The following BNC2 variants were observed in gnomAD, a reference collection of about 807,000 sequenced individuals.
BNC2 encodes zinc finger protein basonuclin-2.
Under a neutral mutation model 76.3 loss-of-function variants are expected in BNC2, and 20 were observed. The observed-to-expected ratio is 0.26, with a 90% CI of 0.18 to 0.38. The LOEUF (loss-of-function observed/expected upper bound fraction) is 0.38, where lower values mean the gene tolerates loss of function less well. BNC2 is among the 10% of genes least tolerant of loss of function. The probability of loss-of-function intolerance (pLI) is 1.00; values close to 1 mark genes in which losing one functional copy is unlikely to be tolerated. For missense variants in BNC2, 1,382 were observed against 1,399.8 expected, an observed-to-expected ratio of 0.99 and a Z score of 0.20; for synonymous variants, 582 against 514.8, an observed-to-expected ratio of 1.13 and a Z score of -1.77.
intron 3 of BNC2, among the ~76,000 whole-genome samples, chr9:16,587,798 G>C (rs1819814928): frequency 6.6e-6 from 1 of 152,130 alleles, no homozygotes; most frequent in Non-Finnish European, 1.5e-5. Context: ...TCCTGCTTAA[G>C]TTGTTAACGG....
rs1282887617 is a variant in BNC2 at position 16,773,558 on chromosome 9, T to A, written c.4-35073A>T. ...AGGGACAGTGCAATAATAATAATTT[T>A]AAAATGGTCCAAAAGACTTCCTAAA... is the stretch of plus-strand genomic sequence containing the variant. On this transcript the variant is annotated intron_variant, in intron 1 of 6. Transcript: ENST00000380672. 2.0e-5 allele frequency among the ~76,000 whole-genome samples: 3 copies of A among 151,288 alleles called. No homozygotes were observed. The East Asian group carries it at 5.8e-4, about 29-fold the overall frequency.
intron 4 of BNC2, among the ~76,000 whole-genome samples, chr9:16,566,595 T>C (rs748671749): frequency 1.3e-5 from 2 of 152,178 alleles, no homozygotes; most frequent in South Asian, 2.1e-4. Flanking sequence ...AAGTCTAATA[T>C]GGTTAAGAAA....
chr9:16,503,395 C>G lies in BNC2; in HGVS notation c.669+49135G>C, dbSNP rs74606932. ...TCCTGTGCCTACTCTAATTCATGCCCTCACAATCCATCTAACTTTTTTTTT... is the reference window on the plus strand; with the variant it reads ...TCCTGTGCCTACTCTAATTCATGCCGTCACAATCCATCTAACTTTTTTTTT... On this transcript the variant is annotated intron_variant, in intron 5 of 6. Transcript: ENST00000380672. Among the ~76,000 whole-genome samples, 1,271 of 152,128 alleles carry G rather than the reference C, an allele frequency of 8.4e-3. 53 individuals carry two copies. The South Asian group carries it at 0.13, about 15-fold the overall frequency.
chr9:16,620,234 C>T (rs1820826160), intron 3 of BNC2, among the ~76,000 whole-genome samples: 1 of 152,146 alleles, frequency 6.6e-6, no homozygotes, highest in Non-Finnish European at 1.5e-5. Flanking sequence ...AATAGTGCTG[C>T]TTCTGCTTTG....
intron 6 of BNC2, chr9:16,421,153 T>G: frequency 1.8e-6 from 1 of 548,654 alleles, no homozygotes. Flanking sequence ...ACAAGAAAGG[T>G]GGGGAAGACT....
intron 3 of BNC2, among the ~76,000 whole-genome samples, chr9:16,725,114 C>G (rs1332121337): frequency 6.6e-6 from 1 of 151,888 alleles, no homozygotes; most frequent in East Asian, 1.9e-4. Context: ...AAACTTTTAC[C>G]TGTAACAAAA....
At chr9:16,679,941 A>G (rs1178450965) in intron 3 of BNC2, among the ~76,000 whole-genome samples, 1 of 152,192 alleles carries the variant, frequency 6.6e-6, no homozygotes, top group Non-Finnish European at 1.5e-5. Context: ...CAGAACAATA[A>G]TCATACAAAC....
chr9:16,515,748 G>GA (rs146467730), intron 5 of BNC2, among the ~76,000 whole-genome samples: 12 of 141,204 alleles, frequency 8.5e-5, no homozygotes, highest in East Asian at 8.3e-4. Context: ...AAAAACCTCT[G>GA]AAAAAAAAAA....
intron 5 of BNC2, among the ~76,000 whole-genome samples, chr9:16,474,305 A>T (rs896774993): frequency 6.6e-6 from 1 of 152,242 alleles, no homozygotes; most frequent in Admixed American, 6.5e-5. Context: ...TTATTTCATG[A>T]AACAGCAGAA....
At chr9:16,751,822 G>T (rs1825221506) in intron 1 of BNC2, among the ~76,000 whole-genome samples, 1 of 151,964 alleles carries the variant, frequency 6.6e-6, no homozygotes, top group East Asian at 1.9e-4. Context: ...TTGAGGTCAG[G>T]AGTTCAAGAC....
In BNC2 at chr9:16,413,151, C is replaced by G. The variant is rs1820510180; in HGVS notation, c.*5838G>C. 6.6e-6 allele frequency: 1 copy of G among 152,356 alleles called. No homozygotes were observed. The highest frequency in any genetic ancestry group is 1.5e-5 in the Non-Finnish European group (1 of 68,018). The allele number at this position is 152,356 out of a possible 1,614,324, so 9.4% of individuals were successfully genotyped here. On this transcript the variant is annotated 3_prime_UTR_variant, in exon 7 of 7. Transcript: ENST00000380672. ...TTTTGTAATGGTCCACTATTTGTTA[C>G]AGACTGAGCCTTGGTCTTCATATCC...
At chr9:16,542,719 T>A (rs912364466) in intron 5 of BNC2, among the ~76,000 whole-genome samples, 1 of 152,220 alleles carries the variant, frequency 6.6e-6, no homozygotes, top group African/African-American at 2.4e-5. Context: ...TAGCAAAGTA[T>A]TGGCCCACAT....
chr9:16,583,233 A>C (rs1819676887), intron 3 of BNC2, 148 bp from the exon 4 acceptor site: 1 of 681,176 alleles, frequency 1.5e-6, no homozygotes, highest in Non-Finnish European at 2.5e-6. Context: ...TTTAGATATC[A>C]CCAAAATCTC....
At chr9:16,832,712 C>A (rs1818604308) in intron 1 of BNC2, among the ~76,000 whole-genome samples, 1 of 151,894 alleles carries the variant, frequency 6.6e-6, no homozygotes, top group Non-Finnish European at 1.5e-5. Context: ...AGAAAAGTCC[C>A]TGAATCCAAA....
intron 3 of BNC2, among the ~76,000 whole-genome samples, chr9:16,637,897 G>T (rs943353125): frequency 3.3e-5 from 5 of 152,236 alleles, no homozygotes; most frequent in African/African-American, 1.2e-4. Context: ...TATACATACA[G>T]TGAAATAAAC....
At chr9:16,485,880 C>T (rs1010983908) in intron 5 of BNC2, among the ~76,000 whole-genome samples, 3 of 152,126 alleles carry the variant, frequency 2.0e-5, no homozygotes, top group African/African-American at 7.2e-5. Context: ...CCATTTGTAC[C>T]CCCAAGGGTA....
intron 3 of BNC2, among the ~76,000 whole-genome samples, chr9:16,689,359 A>G (rs547422072): frequency 1.2e-4 from 19 of 152,250 alleles, no homozygotes; most frequent in Middle Eastern, 3.4e-3. Flanking sequence ...GAGTCATGTT[A>G]CGATGAAAAG....
intron 3 of BNC2, among the ~76,000 whole-genome samples, chr9:16,665,402 GAA>G (rs58411622): frequency 0.055 from 6,357 of 115,570 alleles, 553 homozygotes; most frequent in East Asian, 0.29. Flanking sequence ...GAGAGAGAGA[GAA>G]AGAGAGAAAA....
intron 1 of BNC2, among the ~76,000 whole-genome samples, chr9:16,807,940 AGCATG>A (rs1817952256): frequency 6.6e-6 from 1 of 152,218 alleles, no homozygotes; most frequent in South Asian, 2.1e-4. Context: ...GGCAAATCCT[AGCATG>A]GCTACCTATG....
Sources: gnomAD v4.1 joint callset for allele counts (sites outside exome capture counted in the v4.1 genomes callset) on GRCh38, gnomAD v4.1.1 for gene constraint, MANE v1.5 for transcripts, NCBI Gene and HGNC (gene_info 2026-07-23, HGNC 2026-07-21) for gene names.